The following CEACAM20 variants were observed in gnomAD, a reference collection of about 807,000 sequenced individuals.
The protein encoded by CEACAM20 is cell adhesion molecule CEACAM20.
In CEACAM20, 50 loss-of-function variants were observed where a neutral mutation model predicts 61.2. That is an observed-to-expected ratio of 0.82 (90% confidence interval 0.65 to 1.03). CEACAM20 has a LOEUF of 1.03. CEACAM20 is among the 50% of genes least tolerant of loss of function. CEACAM20 has a pLI of 0.00. For missense variants in CEACAM20, 683 were observed against 736.4 expected (o/e 0.93, Z 0.84); for synonymous variants, 282 against 287.7 (o/e 0.98, Z 0.20).
Position 44,522,857 on chromosome 19 carries a change from C to A in CEACAM20, c.528G>T (p.Val176=), listed in dbSNP as rs757992589. The A allele has an allele frequency of 3.1e-6, 5 of 1,609,908 alleles. No individual in the cohort carries two copies. The South Asian group carries it at 4.5e-5, about 14-fold the overall frequency. ...KLESGVASGE[V]VEVMEGSSMT... ...TGCTGGAGCCCTCCATCACCTCAAC[C>A]ACCTCCCCACTGGCAACACCAGACT... Residue 176 remains valine (V), a synonymous_variant, in exon 4 of 12, where the codon GTG becomes GTT. Transcript: ENST00000614924.
chr19:44,524,046 A>T lies in CEACAM20; in HGVS notation c.412T>A (p.Cys138Ser). 2 of 1,563,228 alleles carry T rather than the reference A, an allele frequency of 1.3e-6. No individual in the cohort carries two copies. The highest frequency in any genetic ancestry group is 1.7e-6 in the Non-Finnish European group (2 of 1,152,854). Residue 138 changes from cysteine to serine, a missense_variant, in exon 3 of 12, where the codon TGT becomes AGT. Coordinates refer to ENST00000614924, the MANE Select transcript of CEACAM20 (RefSeq NM_001102597.3). ...VQREDSGTYQ[C>S]EARDALLSQR... ...CTCAGAAGGGCATCTCGAGCTTCAC[A>T]TTGGTAAGTCCCTGAGTCCTCCCGC... is the stretch of plus-strand genomic sequence containing the variant.
chr19:44,523,480 C>T (rs1268796921), intron 3 of CEACAM20, among the ~76,000 whole-genome samples: 1 of 151,982 alleles, frequency 6.6e-6, no homozygotes, highest in South Asian at 2.1e-4. Context: ...TTTGCTCACC[C>T]CTATCCAGGC....
intron 3 of CEACAM20, 111 bp from the exon 4 acceptor site, chr19:44,523,023 G>C (rs1362665625): frequency 4.2e-6 from 4 of 954,428 alleles, no homozygotes; most frequent in South Asian, 1.7e-5. Flanking sequence ...CCACTCAAAG[G>C]CTAGATCAAT....
At chr19:44,528,556 A>C (rs1971606659) in intron 1 of CEACAM20, among the ~76,000 whole-genome samples, 1 of 149,272 alleles carries the variant, frequency 6.7e-6, no homozygotes, top group East Asian at 2.0e-4. Context: ...TTATTTTTTC[A>C]CCCTTTGTCT....
In CEACAM20 at chr19:44,522,490, T is replaced by G. The variant is rs1234144062; in HGVS notation, c.751+144A>C. On this transcript the variant is annotated intron_variant, in intron 4 of 11. Transcript: ENST00000614924. ...TCCTCTAGAACACAGCGCAAACATTTTTCATGCAACTCAATGTCATGCAGG... is the reference window on the plus strand; with the variant it reads ...TCCTCTAGAACACAGCGCAAACATTGTTCATGCAACTCAATGTCATGCAGG... 5 of 896,674 alleles carry G rather than the reference T, an allele frequency of 5.6e-6. No homozygotes were observed. The East Asian group carries it at 1.3e-4, about 24-fold the overall frequency. The allele number at this position is 896,674 out of a possible 1,614,324, so 55.5% of individuals were successfully genotyped here. A position where few individuals can be genotyped will look rare whatever the true frequency, so the allele number is the denominator to read the frequency against.
chr19:44,514,674 G>A (rs1314048278), intron 6 of CEACAM20, among the ~76,000 whole-genome samples: 1 of 151,884 alleles, frequency 6.6e-6, no homozygotes, highest in African/African-American at 2.4e-5. Context: ...GGCCAGGCTG[G>A]TCTCAAACTC....
intron 5 of CEACAM20, among the ~76,000 whole-genome samples, chr19:44,519,718 T>A (rs1971296056): frequency 6.6e-6 from 1 of 152,158 alleles, no homozygotes; most frequent in South Asian, 2.1e-4. Flanking sequence ...AGCCCTATCA[T>A]CTCTTGCTGC....
At position 44,524,136 on chromosome 19, in the gene CEACAM20, T is replaced by A; in HGVS notation, c.322A>T (p.Ile108Phe). ...AGCTGCATGCGCTCATGGAACACAA[T>A]GGAGAGGTTGTTGGAAACCCAGTGG... ...TIHWVSNNLS[I>F]VFHERMQLSK... Residue 108 changes from isoleucine to phenylalanine, a missense_variant, in exon 3 of 12, where the codon ATT (isoleucine) becomes TTT (phenylalanine). Physicochemically the swap from Ile to Phe is conservative, Grantham distance 21. Transcript: ENST00000614924. 6.2e-7 allele frequency: 1 copy of A among 1,612,278 alleles called. No individual in the cohort carries two copies. Among genetic ancestry groups the A allele is most frequent in the Non-Finnish European group, 8.5e-7 (1 of 1,179,088 alleles).
chr19:44,513,782 T>C (rs1197419599), intron 6 of CEACAM20, among the ~76,000 whole-genome samples: 2 of 152,154 alleles, frequency 1.3e-5, no homozygotes, highest in East Asian at 3.8e-4. Context: ...AACTAAAACA[T>C]CCAGTTTCTG....
intron 5 of CEACAM20, among the ~76,000 whole-genome samples, chr19:44,519,952 A>C (rs1971304136): frequency 6.6e-6 from 1 of 152,150 alleles, no homozygotes; most frequent in Non-Finnish European, 1.5e-5. Flanking sequence ...ATGGTTATCC[A>C]GGTGCTTCCA....
chr19:44,522,734 G>C lies in CEACAM20; in HGVS notation c.651C>G (p.Ile217Met), dbSNP rs571679459. The C allele has an allele frequency of 6.2e-7, 1 of 1,613,936 alleles. No homozygotes were observed. The highest frequency in any genetic ancestry group is 8.5e-7 in the Non-Finnish European group (1 of 1,179,870). The change falls in exon 4 of 12, where the codon ATC becomes ATG. Residue 217 changes from isoleucine to methionine, a missense_variant. By Grantham distance (10) the Ile-to-Met change is conservative. Coordinates refer to ENST00000614924, the MANE Select transcript of CEACAM20 (RefSeq NM_001102597.3). ...ILSHTTRTFT[I>M]HAVSREHEGL... ...CCTCATGTTCTCTGGACACAGCATGGATGGTGAATGTTCTCGTGGTGTGAG... is the reference window on the plus strand; with the variant it reads ...CCTCATGTTCTCTGGACACAGCATGCATGGTGAATGTTCTCGTGGTGTGAG...
chr19:44,511,508 C>T (rs1970998723), intron 10 of CEACAM20, 129 bp downstream of exon 10: 4 of 952,888 alleles, frequency 4.2e-6, no homozygotes, highest in Non-Finnish European at 4.9e-6. Context: ...TACTCTCTTC[C>T]CATCCCTGGC....
intron 6 of CEACAM20, among the ~76,000 whole-genome samples, chr19:44,516,512 T>C (rs556462086): frequency 4.2e-4 from 64 of 152,324 alleles, no homozygotes; most frequent in African/African-American, 1.4e-3. Flanking sequence ...CCCTTTTGCT[T>C]GGTTCTCATT....
chr19:44,517,285 C>G lies in CEACAM20; in HGVS notation c.1031-61G>C, dbSNP rs1971194603. On this transcript the variant is annotated intron_variant, in intron 5 of 11. Transcript: ENST00000614924. ...CCATCAGCGAGTCATCCCATTCTGC[C>G]CCATTCACTTTCACCTTGGAATTTC... The G allele has an allele frequency of 6.4e-6, 10 of 1,569,158 alleles. No homozygotes were observed. In the South Asian group the frequency reaches 7.9e-5, roughly 12 times the overall value.
chr19:44,510,614 GGAAGGAAGGAAGAAAGA>G (rs2123556157), intron 11 of CEACAM20, among the ~76,000 whole-genome samples: 1 of 80,800 alleles, frequency 1.2e-5, no homozygotes, highest in Admixed American at 1.3e-4. Flanking sequence ...GAAAGAAAAA[GGAAGGAAGGAAGAAAGA>G]AAGAGAAGAA....
intron 1 of CEACAM20, among the ~76,000 whole-genome samples, chr19:44,526,804 G>A (rs1395435195): frequency 6.7e-6 from 1 of 149,936 alleles, no homozygotes; most frequent in Non-Finnish European, 1.5e-5. Context: ...AACCCAGGAG[G>A]AAGAGGTTGT....
At chr19:44,506,431 C>A (rs1970820546) in intron 11 of CEACAM20, among the ~76,000 whole-genome samples, 1 of 152,214 alleles carries the variant, frequency 6.6e-6, no homozygotes, top group South Asian at 2.1e-4. Context: ...CTAAAGTGGT[C>A]CCCATAATCC....
intron 11 of CEACAM20, among the ~76,000 whole-genome samples, chr19:44,507,227 T>C (rs189154336): frequency 5.3e-4 from 80 of 152,280 alleles, no homozygotes; most frequent in Non-Finnish European, 1.9e-4. Flanking sequence ...AGGTGGTATT[T>C]CTGGGAAGAC....
intron 8 of CEACAM20, 44 bp from the exon 9 acceptor site, chr19:44,512,122 A>T: frequency 6.7e-7 from 1 of 1,496,512 alleles, no homozygotes; most frequent in Non-Finnish European, 9.2e-7. Flanking sequence ...TTCGAAAGAG[A>T]TATGGGGCAA....
Sources: gnomAD v4.1 joint callset for allele counts (sites outside exome capture counted in the v4.1 genomes callset) on GRCh38, gnomAD v4.1.1 for gene constraint, MANE v1.5 for transcripts, NCBI Gene and HGNC (gene_info 2026-07-23, HGNC 2026-07-21) for gene names.